PRELID2: variants seen among roughly 807,000 people sequenced by gnomAD.
The protein encoded by PRELID2 is PRELI domain containing 2.
Under a neutral mutation model 28.4 loss-of-function variants are expected in PRELID2, and 25 were observed. That is an observed-to-expected ratio of 0.88 (90% CI 0.64 to 1.23). PRELID2 has a LOEUF of 1.23. PRELID2 is among the 50% of genes most tolerant of loss of function. The probability of loss-of-function intolerance (pLI) is 0.00; values close to 1 mark genes in which losing one functional copy is unlikely to be tolerated. For synonymous variants in PRELID2, 76 were observed against 71.6 expected, an observed-to-expected ratio of 1.06 and a Z score of -0.31; for missense variants, 201 against 214.4, an observed-to-expected ratio of 0.94 and a Z score of 0.39.
At chr5:145,816,223 T>A (rs1016052008) in intron 4 of PRELID2, among the ~76,000 whole-genome samples, 1 of 151,168 alleles carries the variant, frequency 6.6e-6, no homozygotes, top group East Asian at 2.0e-4. Context: ...GTTGAAACCA[T>A]AGGCATGCAC....
intron 1 of PRELID2, among the ~76,000 whole-genome samples, chr5:145,724,524 C>T (rs1430008261): frequency 3.5e-5 from 5 of 144,482 alleles, no homozygotes; most frequent in Admixed American, 2.9e-4. Context: ...GTTAAACATC[C>T]TGATTCCATA....
chr5:145,813,026 G>T (rs1336337408), intron 4 of PRELID2, among the ~76,000 whole-genome samples: 1 of 152,138 alleles, frequency 6.6e-6, no homozygotes, highest in African/African-American at 2.4e-5. Context: ...ATAGAGCAAG[G>T]CTTAGTTTCT....
intron 1 of PRELID2, among the ~76,000 whole-genome samples, chr5:145,532,208 A>C (rs4913034): frequency 0.23 from 35,588 of 152,010 alleles, 4,520 homozygotes; most frequent in South Asian, 0.38. Context: ...ACCATTCATT[A>C]GGTGTGTGAT....
At chr5:145,787,641 G>A (rs1752083704) in intron 5 of PRELID2, among the ~76,000 whole-genome samples, 1 of 151,704 alleles carries the variant, frequency 6.6e-6, no homozygotes, top group Non-Finnish European at 1.5e-5. Context: ...CCCAGCTCAA[G>A]CAATCCTCCC....
At chr5:145,230,035 G>GT in the PRELID2 span, 12 of 706,254 alleles carry the variant, frequency 1.7e-5, no homozygotes, top group African/African-American at 2.1e-4. Flanking sequence ...TGTCTCCAGA[G>GT]TAAGTTCACT....
intron 1 of PRELID2, among the ~76,000 whole-genome samples, chr5:145,484,644 C>G (rs1032124766): frequency 2.0e-5 from 3 of 152,166 alleles, no homozygotes; most frequent in Non-Finnish European, 4.4e-5. Context: ...TACCTTTCTT[C>G]ACTTCTAAAA....
At chr5:145,396,487 T>TAA in the PRELID2 span, among the ~76,000 whole-genome samples, 23 of 128,936 alleles carry the variant, frequency 1.8e-4, no homozygotes, top group Non-Finnish European at 3.4e-4. Context: ...TCACAGATTG[T>TAA]AAAAAAAAAA....
At chr5:145,829,057 TTGG>T (rs879147587) in intron 1 of PRELID2, among the ~76,000 whole-genome samples, 10 of 148,990 alleles carry the variant, frequency 6.7e-5, no homozygotes, top group Non-Finnish European at 1.0e-4. Flanking sequence ...TTTGTTGTTG[TTGG>T]TGGTGGTGGT....
the PRELID2 span, among the ~76,000 whole-genome samples, chr5:145,255,220 ATAAT>A: frequency 2.0e-4 from 30 of 152,284 alleles, 1 homozygote; most frequent in South Asian, 5.6e-3. Context: ...AAGGGAGGAA[ATAAT>A]TAATAGAGAC....
chr5:145,463,584 A>G, the PRELID2 span, among the ~76,000 whole-genome samples: 1 of 152,162 alleles, frequency 6.6e-6, no homozygotes, highest in East Asian at 1.9e-4. Context: ...CAACTTCATA[A>G]CGGGAAGGAC....
the PRELID2 span, among the ~76,000 whole-genome samples, chr5:145,461,714 A>G: frequency 1.3e-5 from 2 of 152,220 alleles, no homozygotes; most frequent in African/African-American, 2.4e-5. Flanking sequence ...AAGGCCTTCA[A>G]TAAATAACAA....
chr5:145,747,693 G>T (rs1757027765), intron 1 of PRELID2, among the ~76,000 whole-genome samples: 1 of 151,942 alleles, frequency 6.6e-6, no homozygotes, highest in East Asian at 1.9e-4. Flanking sequence ...AAACCAGGAA[G>T]AGATACAACA....
intron 2 of PRELID2, among the ~76,000 whole-genome samples, chr5:145,821,794 C>T (rs1209939279): frequency 6.6e-6 from 1 of 152,200 alleles, no homozygotes; most frequent in African/African-American, 2.4e-5. Context: ...TTATAATTAA[C>T]ATTTCAATTT....
At chr5:145,778,419 G>T (rs1166336411) in intron 5 of PRELID2, among the ~76,000 whole-genome samples, 1 of 152,208 alleles carries the variant, frequency 6.6e-6, no homozygotes, top group African/African-American at 2.4e-5. Flanking sequence ...GCTACACACT[G>T]TGAGTTCCCT....
chr5:145,610,880 A>G (rs1188643376), intron 1 of PRELID2, among the ~76,000 whole-genome samples: 1 of 151,954 alleles, frequency 6.6e-6, no homozygotes, highest in Non-Finnish European at 1.5e-5. Context: ...TTTTGAAATC[A>G]GGAAGAGATA....
chr5:145,489,757 A>C (rs1752250798), intron 1 of PRELID2, among the ~76,000 whole-genome samples: 1 of 152,198 alleles, frequency 6.6e-6, no homozygotes. Flanking sequence ...TGAATAGCAC[A>C]TTGGGAAGAT....
intron 1 of PRELID2, among the ~76,000 whole-genome samples, chr5:145,583,512 C>T (rs545394214): frequency 1.3e-5 from 2 of 152,262 alleles, no homozygotes; most frequent in South Asian, 4.1e-4. Context: ...TCTTTGTTTG[C>T]AGATGACATG....
At chr5:145,496,767 T>A (rs1561494209) in intron 1 of PRELID2, among the ~76,000 whole-genome samples, 1 of 152,186 alleles carries the variant, frequency 6.6e-6, no homozygotes, top group Non-Finnish European at 1.5e-5. Context: ...AAGTTCTTTC[T>A]TCCTACTCCT....
intron 1 of PRELID2, among the ~76,000 whole-genome samples, chr5:145,672,621 TAAG>T (rs1754731392): frequency 6.6e-6 from 1 of 152,228 alleles, no homozygotes; most frequent in East Asian, 1.9e-4. Context: ...AGGAGACTGC[TAAG>T]AAGGAGACAG....
Sources: allele counts gnomAD v4.1 joint callset (sites outside exome capture counted in the v4.1 genomes callset), GRCh38; gene constraint gnomAD v4.1.1; transcripts MANE v1.5; gene names NCBI Gene and HGNC (gene_info 2026-07-23, HGNC 2026-07-21).